KDM5B: variants seen among roughly 807,000 people sequenced by gnomAD.
The protein encoded by KDM5B is lysine-specific demethylase 5B.
Under a neutral mutation model 193.4 loss-of-function variants are expected in KDM5B, and 144 were observed. The ratio of observed to expected loss-of-function variants is 0.74; its 90% CI spans 0.65 to 0.86. The LOEUF (loss-of-function observed/expected upper bound fraction) is 0.86. Ranked by LOEUF, KDM5B falls within the 40% of genes least tolerant of loss-of-function variation. The probability of loss-of-function intolerance (pLI) is 0.00; values close to 1 mark genes in which losing one functional copy is unlikely to be tolerated. For missense variants in KDM5B, 1,833 were observed against 1,886.9 expected (o/e 0.97, Z 0.53); for synonymous variants, 668 against 682.6 (o/e 0.98, Z 0.33).
chr1:202,752,568 T>A (rs12041098), intron 12 of KDM5B, among the ~76,000 whole-genome samples: 2 of 152,198 alleles, frequency 1.3e-5, no homozygotes, highest in Admixed American at 1.3e-4. Context: ...ACCTCTAGAC[T>A]TTTCAGTCAG....
intron 11 of KDM5B, among the ~76,000 whole-genome samples, chr1:202,753,429 A>C (rs2102257775): frequency 6.6e-6 from 1 of 152,280 alleles, no homozygotes; most frequent in South Asian, 2.1e-4. Context: ...CAGGAGGTGG[A>C]GGATCCAGTG....
chr1:202,777,493 T>C (rs1206353704), intron 1 of KDM5B, among the ~76,000 whole-genome samples: 1 of 151,444 alleles, frequency 6.6e-6, no homozygotes, highest in Non-Finnish European at 1.5e-5. Flanking sequence ...CACATTAACT[T>C]TTTTAATTTT....
rs1219916702 is a variant in KDM5B, at chr1:202,756,487, T to G, written c.1227A>C (p.Glu409Asp). The G allele has an allele frequency of 1.2e-6, 2 of 1,608,186 alleles. No individual in the cohort carries two copies. The highest frequency in any genetic ancestry group is 8.5e-7 in the Non-Finnish European group (1 of 1,177,646). Residue 409 changes from glutamate (E) to aspartate (D), a missense_variant, in exon 10 of 27, where the codon GAA (glutamate) becomes GAC (aspartate). Glu to Asp is a conservative substitution (Grantham distance 45). Around this residue, in one of 3 missense-constraint regions of KDM5B, gnomAD observed 99 missense variants for 162.4 expected, o/e 0.61. Coordinates refer to ENST00000367265, the MANE Select transcript of KDM5B (RefSeq NM_006618.5). ...HMVPTELVEK[E>D]FWRLVSTIEE... ...CAATAGTGCTTACTAGTCTCCAAAA[T>G]TCTTTCTCAACAAGCTCTGTGGGGA...
chr1:202,804,366 G>A (rs1416702596), intron 1 of KDM5B, among the ~76,000 whole-genome samples: 3 of 152,140 alleles, frequency 2.0e-5, no homozygotes, highest in African/African-American at 7.2e-5. Flanking sequence ...AGTAGGGAAA[G>A]ATTTCATGAC....
At chr1:202,776,882 T>C in intron 2 of KDM5B, 135 bp downstream of exon 2, 1 of 679,216 alleles carries the variant, frequency 1.5e-6, no homozygotes, top group African/African-American at 1.8e-5. Flanking sequence ...CAGAAAGAAA[T>C]GTTCTTATTT....
intron 9 of KDM5B, among the ~76,000 whole-genome samples, chr1:202,757,979 C>T (rs1656084583): frequency 6.6e-6 from 1 of 152,174 alleles, no homozygotes; most frequent in African/African-American, 2.4e-5. Flanking sequence ...AAAATGGACT[C>T]ATCCTGAAAT....
At chr1:202,770,280 C>A (rs984745720) in intron 4 of KDM5B, among the ~76,000 whole-genome samples, 2 of 152,150 alleles carry the variant, frequency 1.3e-5, no homozygotes, top group Non-Finnish European at 2.9e-5. Flanking sequence ...ATCCCAAAGA[C>A]AGAGCAATCC....
chr1:202,763,882 T>C (rs1467903583), intron 6 of KDM5B, among the ~76,000 whole-genome samples, 167 bp downstream of exon 6: 2 of 152,246 alleles, frequency 1.3e-5, no homozygotes, highest in Non-Finnish European at 2.9e-5. Context: ...ACACTGTTGA[T>C]ATATTAAGAT....
rs1443631488 is a variant in KDM5B, at chr1:202,731,042, T to C, written c.4043A>G (p.Glu1348Gly). 1 of 1,612,274 alleles carries C rather than the reference T, an allele frequency of 6.2e-7. No homozygotes were observed. Among genetic ancestry groups the C allele is most frequent in the Non-Finnish European group, 8.5e-7 (1 of 1,178,954 alleles). The change falls in exon 25 of 27, where the codon GAA (glutamate) becomes GGA (glycine). Residue 1348 changes from glutamate (E) to glycine (G), a missense_variant. Glu to Gly is a moderately conservative substitution (Grantham distance 98). Coordinates refer to ENST00000367265, the MANE Select transcript of KDM5B (RefSeq NM_006618.5). ...PLHGVSPEVN[E>G]LLMEAQLLQV... ...GAGCAGCTGGGCTTCCATCAATAGT[T>C]CATTCACTTCTGGACTAACACCTGT...
chr1:202,777,376 C>G (rs56843596), intron 1 of KDM5B, among the ~76,000 whole-genome samples: 36 of 147,524 alleles, frequency 2.4e-4, no homozygotes, highest in Non-Finnish European at 4.6e-4. Context: ...AAAAAACACT[C>G]ATTTAGGCAA....
rs772611571 is a variant in KDM5B, at chr1:202,808,143, T to C, written c.163A>G (p.Ile55Val). 1.9e-6 allele frequency: 3 copies of C among 1,612,892 alleles called. No individual in the cohort carries two copies. The highest frequency in any genetic ancestry group is 2.5e-6 in the Non-Finnish European group (3 of 1,179,532). Residue 55 changes from isoleucine (I) to valine (V), a missense_variant, in exon 1 of 27, where the codon ATA (isoleucine) becomes GTA (valine). By Grantham distance (29) the Ile-to-Val change is conservative. Around this residue, in one of 3 missense-constraint regions of KDM5B, gnomAD observed 355 missense variants for 374.9 expected, o/e 0.95. Transcript: ENST00000367265. Reference protein sequence around the residue: ...PFAFIHKIRPIAEQTGICKVR... With the variant: ...PFAFIHKIRPVAEQTGICKVR... ...TTACAGATGCCAGTCTGCTCGGCTA[T>C]GGGCCGGATCTTGTGGATGAAAGCG...
chr1:202,771,901 T>C (rs1171385928), intron 4 of KDM5B, among the ~76,000 whole-genome samples: 1 of 152,022 alleles, frequency 6.6e-6, no homozygotes, highest in East Asian at 1.9e-4. Flanking sequence ...TTCTAAACAA[T>C]TTCATCCATG....
intron 1 of KDM5B, among the ~76,000 whole-genome samples, chr1:202,778,300 TAC>T (rs752507577): frequency 4.6e-5 from 7 of 151,838 alleles, no homozygotes; most frequent in African/African-American, 1.5e-4. Flanking sequence ...TATATATATA[TAC>T]ACACACACAC....
In KDM5B at chr1:202,729,778, C is replaced by T. The variant is rs776466616; in HGVS notation, c.4426G>A (p.Glu1476Lys). The T allele has an allele frequency of 5.0e-6, 8 of 1,613,984 alleles. No homozygotes were observed. The highest frequency in any genetic ancestry group is 1.7e-4 in the Middle Eastern group (1 of 6,060). The change falls in exon 26 of 27, where the codon GAA becomes AAA. Residue 1476 changes from glutamate to lysine, a missense_variant. Coordinates refer to ENST00000367265, the MANE Select transcript of KDM5B (RefSeq NM_006618.5). Reference sequence around the variant, plus strand: ...TCTTCATCCTCAGAGTCTTCCTGTTCGGAATAGGATGTGTCTGAGGGCAGG... The same window carrying T: ...TCTTCATCCTCAGAGTCTTCCTGTTTGGAATAGGATGTGTCTGAGGGCAGG... Reference protein sequence around the residue: ...HSLPSDTSYSEQEDSEDEDAI... With the variant: ...HSLPSDTSYSKQEDSEDEDAI...
chr1:202,804,866 A>C (rs1377409220), intron 1 of KDM5B, among the ~76,000 whole-genome samples: 1 of 86,034 alleles, frequency 1.2e-5, no homozygotes, highest in Non-Finnish European at 3.0e-5. Context: ...ATTCCGTCTC[A>C]AAAAAAAAAA....
At chr1:202,781,565 C>T (rs759272598) in intron 1 of KDM5B, among the ~76,000 whole-genome samples, 27 of 152,126 alleles carry the variant, frequency 1.8e-4, no homozygotes, top group Non-Finnish European at 3.8e-4. Flanking sequence ...TTTTGTTTAG[C>T]TCAATAACTA....
rs974239480 is a variant in KDM5B at position 202,755,471 on chromosome 1, A to G, written c.1357-19T>C. The stretch of plus-strand genomic sequence containing the variant: ...GATACTCCTAAAAATAAGAAGACAA[A>G]AGAGGATAAAGGTTTAGCTATACAA... On this transcript the variant is annotated intron_variant, in intron 10 of 26. Transcript: ENST00000367265. 1 of 1,587,744 alleles carries G rather than the reference A, an allele frequency of 6.3e-7. No homozygotes were observed. Among genetic ancestry groups the G allele is most frequent in the Non-Finnish European group, 8.6e-7 (1 of 1,158,044 alleles).
intron 1 of KDM5B, 135 bp downstream of exon 1, chr1:202,807,967 T>TA: frequency 1.2e-6 from 1 of 857,986 alleles, no homozygotes; most frequent in Admixed American, 3.4e-5. Context: ...TCCGACCTTC[T>TA]AGGCAGCCCC....
At chr1:202,735,876 A>G (rs1316153178) in intron 21 of KDM5B, among the ~76,000 whole-genome samples, 1 of 152,258 alleles carries the variant, frequency 6.6e-6, no homozygotes, top group Non-Finnish European at 1.5e-5. Flanking sequence ...CAAAAAGTGC[A>G]GTTAAAGCAC....
Sources: gnomAD v4.1 joint callset for allele counts (sites outside exome capture counted in the v4.1 genomes callset) on GRCh38, gnomAD v4.1.1 for gene constraint, gnomAD v4.1.1 regional missense constraint, MANE v1.5 for transcripts, NCBI Gene and HGNC (gene_info 2026-07-23, HGNC 2026-07-21) for gene names.